PPP2R2B: variants seen among roughly 807,000 people sequenced by gnomAD.
PPP2R2B encodes protein phosphatase 2 regulatory subunit Bbeta, also known as serine/threonine-protein phosphatase 2A 55 kDa regulatory subunit B beta isoform.
Under a neutral mutation model 46.0 loss-of-function variants are expected in PPP2R2B, and 5 were observed. That is an observed-to-expected ratio of 0.11 (90% CI 0.06 to 0.23). The LOEUF (loss-of-function observed/expected upper bound fraction) is 0.23, where lower values mean the gene tolerates loss of function less well. Among genes scored for constraint, PPP2R2B ranks in the 10% least tolerant of loss-of-function variants. The pLI is 1.00. For missense variants in PPP2R2B, 367 were observed against 575.0 expected (o/e 0.64, Z 3.70); for synonymous variants, 215 against 206.7 (o/e 1.04, Z -0.34).
chr5:146,878,758 G>A (rs1025999640), upstream of PPP2R2B: 1 of 1,333,514 alleles, frequency 7.5e-7, no homozygotes, highest in Non-Finnish European at 9.9e-7. The surrounding 1 kb of genome is among the most constrained non-coding windows in gnomAD (Gnocchi z 4.5). Flanking sequence ...TGCTGCTGCT[G>A]CAGGAGGCTG....
intron 1 of PPP2R2B, among the ~76,000 whole-genome samples, chr5:147,051,645 A>T (rs1756823145): frequency 6.6e-6 from 1 of 151,744 alleles, no homozygotes; most frequent in Non-Finnish European, 1.5e-5. Context: ...CTGATTTCTT[A>T]GATAACAATA....
intron 1 of PPP2R2B, among the ~76,000 whole-genome samples, chr5:146,915,222 A>G (rs569368967): frequency 1.1e-4 from 17 of 152,272 alleles, no homozygotes; most frequent in African/African-American, 4.1e-4. Flanking sequence ...TCTGCCAAGT[A>G]GCCAGGAAAA....
chr5:146,741,942 A>C (rs1752899816), intron 2 of PPP2R2B, among the ~76,000 whole-genome samples: 1 of 152,114 alleles, frequency 6.6e-6, no homozygotes, highest in Non-Finnish European at 1.5e-5. Context: ...AAGAAATTAT[A>C]TTTGTGTTTG....
chr5:146,996,646 G>A (rs1215529247), intron 1 of PPP2R2B, among the ~76,000 whole-genome samples: 2 of 152,144 alleles, frequency 1.3e-5, no homozygotes, highest in Non-Finnish European at 2.9e-5. Context: ...GTGACAAAGA[G>A]GGCCTGGACT....
chr5:146,591,306 G>C (rs1489830540), intron 9 of PPP2R2B, among the ~76,000 whole-genome samples: 1 of 152,150 alleles, frequency 6.6e-6, no homozygotes, highest in East Asian at 1.9e-4. Context: ...GTGTTTTTGG[G>C]CACGTTGTCA....
At chr5:146,627,427 G>A (rs1337590400) in intron 7 of PPP2R2B, among the ~76,000 whole-genome samples, 3 of 152,178 alleles carry the variant, frequency 2.0e-5, no homozygotes, top group Non-Finnish European at 4.4e-5. Context: ...CTTACCAGGG[G>A]TTGGCAATTA....
In PPP2R2B at chr5:146,650,650, A is replaced by C; in HGVS notation, c.522T>G (p.Tyr174Ter). The stretch of plus-strand genomic sequence containing the variant: ...TGTTGACAGATATGGAGTTGATGTG[A>C]TATGTGTGTGCGTTGGCAAATACTC... The part of the protein sequence containing the change: ...PRRVFANAHT[Y>*]HINSISVNSD... The change falls in exon 6 of 10, where the codon TAT becomes TAG. Residue 174 changes from tyrosine to a stop codon, truncating the protein, a stop_gained. Coordinates refer to ENST00000394411, the MANE Select transcript of PPP2R2B (RefSeq NM_181675.4). LOFTEE classifies it high-confidence loss of function. 2 of 1,614,034 alleles carry C rather than the reference A, an allele frequency of 1.2e-6. No individual in the cohort carries two copies. Among genetic ancestry groups the C allele is most frequent in the Non-Finnish European group, 1.7e-6 (2 of 1,179,968 alleles).
intron 2 of PPP2R2B, among the ~76,000 whole-genome samples, chr5:146,708,795 G>C (rs1780049413): frequency 1.3e-5 from 2 of 151,886 alleles, no homozygotes. Context: ...GGATGGTATG[G>C]AGCTAAAAAA....
intron 5 of PPP2R2B, among the ~76,000 whole-genome samples, chr5:146,663,287 G>A (rs1776778908): frequency 6.6e-6 from 1 of 152,094 alleles, no homozygotes; most frequent in South Asian, 2.1e-4. Context: ...CCTCTCAGTT[G>A]GAAGTATAAA....
chr5:146,601,422 T>A (rs1389282273), intron 7 of PPP2R2B, among the ~76,000 whole-genome samples: 2 of 152,104 alleles, frequency 1.3e-5, no homozygotes. Context: ...CATAGGAAGA[T>A]TCTATTGCTA....
intron 2 of PPP2R2B, among the ~76,000 whole-genome samples, chr5:146,807,774 T>C (rs1382569239): frequency 9.3e-6 from 1 of 106,966 alleles, no homozygotes; most frequent in African/African-American, 3.6e-5. Flanking sequence ...CTGGGGTGCC[T>C]TCTTTTTTTT....
At chr5:146,698,315 AAAATATATATATATAT>A (rs1168809748) in intron 3 of PPP2R2B, among the ~76,000 whole-genome samples, 171 bp from the exon 4 acceptor site, 2 of 88,166 alleles carry the variant, frequency 2.3e-5, no homozygotes, top group African/African-American at 1.1e-4. Context: ...AAAAAAAAAA[AAAATATATATATATAT>A]ATATATATAT....
At chr5:147,000,196 T>C (rs759548056) in intron 1 of PPP2R2B, among the ~76,000 whole-genome samples, 11 of 152,238 alleles carry the variant, frequency 7.2e-5, no homozygotes, top group Admixed American at 1.3e-4. Flanking sequence ...CTTCTAAATA[T>C]GGCATTAAGA....
In PPP2R2B at chr5:146,583,718, A is replaced by G. The variant is rs1055262397; in HGVS notation, c.*6229T>C. The G allele has an allele frequency of 6.6e-6, 1 of 152,224 alleles. No individual in the cohort carries two copies. Among genetic ancestry groups the G allele is most frequent in the African/African-American group, 2.4e-5 (1 of 41,470 alleles). The allele number at this position is 152,224 out of a possible 1,614,324, so 9.4% of individuals were successfully genotyped here. A position where few individuals can be genotyped will look rare whatever the true frequency, so the allele number is the denominator to read the frequency against. Reference sequence around the variant, plus strand: ...ATTTAGTAAATGAATGAATGAATGCATGAAATTCGCCCAACTGAGCAACTG... The same window carrying G: ...ATTTAGTAAATGAATGAATGAATGCGTGAAATTCGCCCAACTGAGCAACTG... On this transcript the variant is annotated 3_prime_UTR_variant, in exon 10 of 10. Transcript: ENST00000394411.
chr5:146,808,832 T>C (rs1757348494), intron 2 of PPP2R2B, among the ~76,000 whole-genome samples: 1 of 152,236 alleles, frequency 6.6e-6, no homozygotes, highest in African/African-American at 2.4e-5. Flanking sequence ...AATTCTACTT[T>C]CATGTTGGAG....
intron 2 of PPP2R2B, among the ~76,000 whole-genome samples, chr5:146,727,857 T>C (rs1370034856): frequency 6.6e-6 from 1 of 151,962 alleles, no homozygotes; most frequent in African/African-American, 2.4e-5. Context: ...TTGCTCCCCC[T>C]TCCCCTATCT....
At chr5:146,805,955 G>A (rs1403077132) in intron 2 of PPP2R2B, among the ~76,000 whole-genome samples, 1 of 152,156 alleles carries the variant, frequency 6.6e-6, no homozygotes, top group East Asian at 1.9e-4. Context: ...ACCTAGAAAA[G>A]TGTCAAATCC....
At chr5:146,894,771 C>T (rs1419375747) in intron 1 of PPP2R2B, among the ~76,000 whole-genome samples, 1 of 152,172 alleles carries the variant, frequency 6.6e-6, no homozygotes, top group African/African-American at 2.4e-5. Flanking sequence ...ACTTTTTCTA[C>T]TTCTTGAAAT....
intron 1 of PPP2R2B, among the ~76,000 whole-genome samples, chr5:146,980,937 T>C (rs1032573334): frequency 6.6e-6 from 1 of 152,196 alleles, no homozygotes; most frequent in African/African-American, 2.4e-5. Flanking sequence ...TTTAAACATT[T>C]TTTTTAACCT....
Sources: allele counts gnomAD v4.1 joint callset (sites outside exome capture counted in the v4.1 genomes callset), GRCh38; gene constraint gnomAD v4.1.1; non-coding constraint Gnocchi (gnomAD v3.1); transcripts MANE v1.5; gene names NCBI Gene and HGNC (gene_info 2026-07-23, HGNC 2026-07-21).